The following ZNF346 variants were observed in gnomAD, a reference collection of about 807,000 sequenced individuals.
ZNF346 encodes double-stranded RNA-binding zinc finger protein JAZ.
Under a neutral mutation model 33.7 loss-of-function variants are expected in ZNF346, and 23 were observed. The observed-to-expected ratio is 0.68, with a 90% CI of 0.49 to 0.97. ZNF346 has a LOEUF of 0.97. Ranked by LOEUF, ZNF346 falls within the 50% of genes least tolerant of loss-of-function variation. ZNF346 has a pLI of 0.00. For synonymous variants in ZNF346, 134 were observed against 142.4 expected, an observed-to-expected ratio of 0.94 and a Z score of 0.42; for missense variants, 340 against 371.1, an observed-to-expected ratio of 0.92 and a Z score of 0.69.
chr5:177,061,953 C>A, intron 5 of ZNF346, 105 bp from the exon 6 acceptor site: 1 of 957,894 alleles, frequency 1.0e-6, no homozygotes, highest in Non-Finnish European at 1.6e-6. Context: ...CCTCACCTCG[C>A]CTCACCTGTC....
intron 5 of ZNF346, among the ~76,000 whole-genome samples, chr5:177,056,197 T>C (rs1196850662): frequency 6.6e-6 from 1 of 151,832 alleles, no homozygotes; most frequent in Non-Finnish European, 1.5e-5. Context: ...ATCACACCAC[T>C]GCACTGGGCG....
intron 6 of ZNF346, among the ~76,000 whole-genome samples, chr5:177,063,594 C>G (rs545713413): frequency 3.1e-4 from 47 of 152,212 alleles, no homozygotes; most frequent in Non-Finnish European, 5.6e-4. Flanking sequence ...GAGCCCCTCC[C>G]TGGGGCTACC....
At chr5:177,052,414 C>T in intron 5 of ZNF346, 1 of 151,384 alleles carries the variant, frequency 6.6e-6, no homozygotes, top group Non-Finnish European at 1.5e-5. Context: ...AACTCCTGAC[C>T]TCAAGTGATC....
intron 1 of ZNF346, among the ~76,000 whole-genome samples, chr5:177,028,102 G>A (rs1302259648): frequency 9.2e-6 from 1 of 108,710 alleles, no homozygotes; most frequent in African/African-American, 3.6e-5. Context: ...CTGGAGTGCA[G>A]TAATGATCAC....
chr5:177,054,661 A>C (rs987463301), intron 5 of ZNF346, among the ~76,000 whole-genome samples: 2 of 152,070 alleles, frequency 1.3e-5, no homozygotes, highest in Non-Finnish European at 2.9e-5. Flanking sequence ...AGCCTCCCAA[A>C]GTGCTGGGAT....
intron 6 of ZNF346, among the ~76,000 whole-genome samples, chr5:177,064,065 T>C (rs1266044821): frequency 6.6e-6 from 1 of 152,214 alleles, no homozygotes; most frequent in East Asian, 1.9e-4. Flanking sequence ...GTTAATTGAC[T>C]TCCCCAAGGT....
At chr5:177,061,964 C>T (rs1171861118) in intron 5 of ZNF346, 94 bp from the exon 6 acceptor site, 17 of 1,093,852 alleles carry the variant, frequency 1.6e-5, no homozygotes, top group East Asian at 1.2e-4. Flanking sequence ...CTCACCTGTC[C>T]GTCCTTAGAA....
At chr5:177,060,345 A>G (rs1284736341) in intron 5 of ZNF346, among the ~76,000 whole-genome samples, 3 of 151,926 alleles carry the variant, frequency 2.0e-5, no homozygotes, top group South Asian at 2.1e-4. Flanking sequence ...ACATGGTGAA[A>G]CCCCATCTCT....
chr5:177,027,737 A>G (rs1275536948), intron 1 of ZNF346, among the ~76,000 whole-genome samples: 1 of 150,804 alleles, frequency 6.6e-6, no homozygotes, highest in East Asian at 2.0e-4. Context: ...TGGCACAATC[A>G]TAGCTCACTG....
chr5:177,038,671 G>C (rs1356472448), intron 1 of ZNF346, among the ~76,000 whole-genome samples: 1 of 151,758 alleles, frequency 6.6e-6, no homozygotes, highest in Non-Finnish European at 1.5e-5. Flanking sequence ...TTATTTAGCA[G>C]GTGCTTACCT....
intron 6 of ZNF346, among the ~76,000 whole-genome samples, chr5:177,063,969 T>C (rs1258667451): frequency 6.6e-6 from 1 of 152,198 alleles, no homozygotes; most frequent in Non-Finnish European, 1.5e-5. Flanking sequence ...TGAGTCTCAT[T>C]AAATTTCTCA....
At chr5:177,041,402 C>T (rs1779319052) in intron 2 of ZNF346, among the ~76,000 whole-genome samples, 173 bp downstream of exon 2, 1 of 152,152 alleles carries the variant, frequency 6.6e-6, no homozygotes, top group Non-Finnish European at 1.5e-5. Flanking sequence ...TCTCATCTCC[C>T]CCATCCAAAT....
chr5:177,029,676 A>T (rs1362200667), intron 1 of ZNF346, among the ~76,000 whole-genome samples: 1 of 152,220 alleles, frequency 6.6e-6, no homozygotes, highest in Non-Finnish European at 1.5e-5. Context: ...CTTGAGAGAG[A>T]CAAGTAGGCG....
intron 4 of ZNF346, among the ~76,000 whole-genome samples, chr5:177,050,514 G>A (rs1780703903): frequency 6.6e-6 from 1 of 152,176 alleles, no homozygotes; most frequent in Admixed American, 6.5e-5. Context: ...GAAATAGCCA[G>A]TCTTTGGGCT....
Position 177,067,766 on chromosome 5 carries a change from C to T in ZNF346, c.*3167C>T, listed in dbSNP as rs757679556. 2.6e-5 allele frequency among the ~76,000 whole-genome samples: 4 copies of T among 152,134 alleles called. No homozygotes were observed. Among genetic ancestry groups the T allele is most frequent in the Non-Finnish European group, 4.4e-5 (3 of 68,030 alleles). On this transcript the variant is annotated 3_prime_UTR_variant, in exon 7 of 7. Transcript: ENST00000358149. ...AAAGCTGGAGAGGTTGGAAAGCTAG[C>T]ATTTCATCTGCATAACAACCTTTGA...
downstream of ZNF346, among the ~76,000 whole-genome samples, chr5:177,068,553 C>T (rs1040879628): frequency 6.3e-5 from 9 of 143,878 alleles, 1 homozygote; most frequent in Non-Finnish European, 8.8e-5. Context: ...GTGGAAAGAA[C>T]ACCTTTCTCC....
At chr5:177,045,569 G>A (rs1462862493) in intron 4 of ZNF346, among the ~76,000 whole-genome samples, 1 of 152,056 alleles carries the variant, frequency 6.6e-6, no homozygotes, top group Non-Finnish European at 1.5e-5. Context: ...TGTTAGCCAG[G>A]ATGGTCTCAA....
At chr5:177,074,627 C>T (rs1361423728) in intron 8 of ZNF346, among the ~76,000 whole-genome samples, 1 of 152,152 alleles carries the variant, frequency 6.6e-6, no homozygotes. Context: ...TTAAAAAGTG[C>T]ATGAGCCAGT....
At chr5:177,074,680 G>A (rs753362655) in intron 8 of ZNF346, among the ~76,000 whole-genome samples, 2 of 152,164 alleles carry the variant, frequency 1.3e-5, no homozygotes, top group African/African-American at 2.4e-5. Flanking sequence ...TTGAGTTTCT[G>A]TGTCTTGCAA....
Sources: gnomAD v4.1 joint callset for allele counts (sites outside exome capture counted in the v4.1 genomes callset) on GRCh38, gnomAD v4.1.1 for gene constraint, MANE v1.5 for transcripts, NCBI Gene and HGNC (gene_info 2026-07-23, HGNC 2026-07-21) for gene names.